Variants in CDON observed in about 807,000 individuals in gnomAD.
CDON encodes cell adhesion molecule-related/down-regulated by oncogenes.
A neutral mutation model predicts 120.9 loss-of-function variants in CDON; 73 were observed. The ratio of observed to expected loss-of-function variants is 0.60; its 90% confidence interval spans 0.50 to 0.73. The LOEUF (loss-of-function observed/expected upper bound fraction) is 0.73. Among genes scored for constraint, CDON ranks in the 30% least tolerant of loss-of-function variants. The pLI, the probability that CDON is intolerant of heterozygous loss-of-function variation, is 0.00. For missense variants in CDON, 1,470 were observed against 1,587.3 expected (o/e 0.93, Z 1.26); for synonymous variants, 566 against 573.5 (o/e 0.99, Z 0.19).
chr11:126,046,100 A>G (rs1463056058), intron 1 of CDON, among the ~76,000 whole-genome samples: 1 of 152,262 alleles, frequency 6.6e-6, no homozygotes, highest in Non-Finnish European at 1.5e-5. Flanking sequence ...AGCCAAACAC[A>G]TAGCTGTTTC....
At chr11:125,973,578 A>T (rs1435874429) in intron 18 of CDON, among the ~76,000 whole-genome samples, 1 of 152,056 alleles carries the variant, frequency 6.6e-6, no homozygotes, top group African/African-American at 2.4e-5. Flanking sequence ...AAAACCATCC[A>T]CAGATGTGCC....
chr11:126,040,810 G>A (rs1318216495), intron 1 of CDON, among the ~76,000 whole-genome samples: 8 of 53,096 alleles, frequency 1.5e-4, no homozygotes, highest in Admixed American at 1.2e-3. Flanking sequence ...GAAAGACTCC[G>A]TCTCAAAAAA....
rs35654681 is a variant in CDON, at chr11:125,958,565, A to ATGTGTGTGTGTGTGTGTGTGTG, written c.*2355_*2376dup. ...AAGGCAATTATATATATATATATAT[A>ATGTGTGTGTGTGTGTGTGTGTG]TGTGTGTGTGTGTGTGTGTGTGTGT... On this transcript the variant is annotated 3_prime_UTR_variant, in exon 20 of 20. Transcript: ENST00000531738. The ATGTGTGTGTGTGTGTGTGTGTG allele has an allele frequency of 2.3e-5, 3 of 130,082 alleles. No homozygotes were observed. Among genetic ancestry groups the ATGTGTGTGTGTGTGTGTGTGTG allele is most frequent in the Non-Finnish European group, 4.8e-5 (3 of 62,376 alleles). The allele number at this position is 130,082 out of a possible 1,614,324, so 8.1% of individuals were successfully genotyped here. A position where few individuals can be genotyped will look rare whatever the true frequency, so the allele number is the denominator to read the frequency against.
In CDON at chr11:126,005,856, G is replaced by A. The variant is rs759191464; in HGVS notation, c.1754C>T (p.Pro585Leu). ...SVPDAPIILSPPQTHTPDTYN... is the reference protein window; with the variant it reads ...SVPDAPIILSLPQTHTPDTYN... ...CGTGTCTGGTGTGTGGGTCTGTGGG[G>A]GGCTCAGTATGATGGGGGCATCAGG... The change falls in exon 9 of 20, where the codon CCC (proline) becomes CTC (leucine). Residue 585 changes from proline to leucine, a missense_variant. Transcript: ENST00000531738. The A allele has an allele frequency of 2.5e-6, 4 of 1,613,972 alleles. No homozygotes were observed. The highest frequency in any genetic ancestry group is 2.2e-5 in the South Asian group (2 of 91,080).
At position 125,965,947 on chromosome 11, in the gene CDON, C is replaced by T. The variant is rs370984597; in HGVS notation, c.3357-3949G>A. On this transcript the variant is annotated intron_variant, in intron 18 of 19. Coordinates refer to ENST00000531738, the MANE Select transcript of CDON (RefSeq NM_001378964.1). ...GTCGGGAGTTCGAGACAAGCCTGAC[C>T]AACATGGAGAAACCGCGTCTCTACT... Among the ~76,000 whole-genome samples, 20 of 152,202 alleles carry T rather than the reference C, an allele frequency of 1.3e-4. No individual in the cohort carries two copies. In the South Asian group the frequency reaches 4.1e-3, roughly 32 times the overall value.
chr11:126,014,654 A>C (rs1947407943), intron 7 of CDON, among the ~76,000 whole-genome samples: 1 of 152,238 alleles, frequency 6.6e-6, no homozygotes, highest in African/African-American at 2.4e-5. Context: ...AAGATTAAAA[A>C]CAACCATCAA....
Position 125,994,761 on chromosome 11 carries a change from T to C in CDON, c.2544+110A>G, listed in dbSNP as rs190791796. 974 of 944,918 alleles carry C rather than the reference T, an allele frequency of 1.0e-3. 5 individuals carry two copies. The highest frequency in any genetic ancestry group is 8.3e-3 in the Middle Eastern group (40 of 4,792). 58.5% of individuals were successfully genotyped at this position (944,918 alleles called of 1,614,324 possible). ...AATATTGGTGCCCTTGCACTTCCCCTCAATTAAAAGTTCAAAATTTGCTGT... is the reference window on the plus strand; with the variant it reads ...AATATTGGTGCCCTTGCACTTCCCCCCAATTAAAAGTTCAAAATTTGCTGT... On this transcript the variant is annotated intron_variant, in intron 13 of 19. Transcript: ENST00000531738.
At chr11:125,987,254 C>A (rs531468460) in intron 15 of CDON, among the ~76,000 whole-genome samples, 9 of 152,098 alleles carry the variant, frequency 5.9e-5, no homozygotes, top group African/African-American at 1.9e-4. Flanking sequence ...CAGCTAACAG[C>A]CTGAAAAAAG....
At chr11:126,011,989 C>G (rs1947317095) in intron 7 of CDON, among the ~76,000 whole-genome samples, 1 of 152,172 alleles carries the variant, frequency 6.6e-6, no homozygotes, top group Non-Finnish European at 1.5e-5. Flanking sequence ...CAGTCAAGCC[C>G]TTACATGCAA....
rs753364775 is a variant in CDON at position 125,994,872 on chromosome 11, G to A, written c.2543C>T (p.Thr848Met). Reference protein sequence around the residue: ...VSDTQIMLKWTYIPSSNNNTP... With the variant: ...VSDTQIMLKWMYIPSSNNNTP... ...TCATTCCAGAAGATGTGTACTGACC[G>A]TCCACTTTAGCATGATCTGAGTATC... Residue 848 changes from threonine (T) to methionine (M), a missense_variant and splice_region_variant, in exon 13 of 20, where the codon ACG becomes ATG. Coordinates refer to ENST00000531738, the MANE Select transcript of CDON (RefSeq NM_001378964.1). The A allele has an allele frequency of 1.4e-5, 22 of 1,612,064 alleles. No individual in the cohort carries two copies. The highest frequency in any genetic ancestry group is 1.6e-4 in the Middle Eastern group (1 of 6,062).
At position 125,995,017 on chromosome 11, in the gene CDON, G is replaced by A; in HGVS notation, c.2398C>T (p.His800Tyr). Reference protein sequence around the residue: ...TYKFRVIAINHYGESFRSSAS... With the variant: ...TYKFRVIAINYYGESFRSSAS... ...GAACTCCGAAAACTCTCACCATAAT[G>A]GTTGATGGCAATGACCCTAAATTTG... The change falls in exon 13 of 20, where the codon CAT becomes TAT. Residue 800 changes from histidine to tyrosine, a missense_variant. By Grantham distance (83) the His-to-Tyr change is moderately conservative. Transcript: ENST00000531738. 6.2e-7 allele frequency: 1 copy of A among 1,614,090 alleles called. No homozygotes were observed. Among genetic ancestry groups the A allele is most frequent in the Admixed American group, 1.7e-5 (1 of 60,008 alleles).
In CDON at chr11:126,005,888, G is replaced by C; in HGVS notation, c.1722C>G (p.Ile574Met). 1 of 1,614,160 alleles carries C rather than the reference G, an allele frequency of 6.2e-7. No homozygotes were observed. The highest frequency in any genetic ancestry group is 8.5e-7 in the Non-Finnish European group (1 of 1,180,026). The change falls in exon 9 of 20, where the codon ATC becomes ATG. Residue 574 changes from isoleucine to methionine, a missense_variant. Transcript: ENST00000531738. ...GTATGATGGGGGCATCAGGAACAGA[G>C]ATGCCGCTGGCGTTTTTCTCTGGTG... ...ESAPEKNASG[I>M]SVPDAPIILS...
At chr11:125,972,179 A>G (rs1252830808) in intron 18 of CDON, among the ~76,000 whole-genome samples, 2 of 152,212 alleles carry the variant, frequency 1.3e-5, no homozygotes, top group Non-Finnish European at 2.9e-5. Context: ...TAATCTCAGA[A>G]CATTGGGAGG....
At chr11:125,998,266 T>C (rs942334814) in intron 11 of CDON, among the ~76,000 whole-genome samples, 1 of 152,134 alleles carries the variant, frequency 6.6e-6, no homozygotes, top group South Asian at 2.1e-4. Flanking sequence ...TCCCTCCAAA[T>C]CTCATGTTGA....
At chr11:126,040,494 A>G (rs1386175602) in intron 1 of CDON, among the ~76,000 whole-genome samples, 1 of 152,234 alleles carries the variant, frequency 6.6e-6, no homozygotes, top group Admixed American at 6.5e-5. Context: ...CAATTTTTAA[A>G]AAGTGATTAT....
chr11:126,005,931 G>T lies in CDON; in HGVS notation c.1679C>A (p.Pro560His), dbSNP rs1253158165. The T allele has an allele frequency of 1.2e-6, 2 of 1,613,970 alleles. No individual in the cohort carries two copies. Among genetic ancestry groups the T allele is most frequent in the Non-Finnish European group, 8.5e-7 (1 of 1,180,020 alleles). ...CTCTGGTGCTGATTCCACTGCACTG[G>T]GATGGACCTTCACCGGAAATGAGCT... is the stretch of plus-strand genomic sequence containing the variant. The part of the protein sequence containing the change: ...LLSSFPVKVH[P>H]SAVESAPEKN... Residue 560 changes from proline to histidine, a missense_variant, in exon 9 of 20, where the codon CCC becomes CAC. Transcript: ENST00000531738.
At chr11:126,055,103 T>C (rs916186618) in intron 1 of CDON, among the ~76,000 whole-genome samples, 7 of 152,194 alleles carry the variant, frequency 4.6e-5, no homozygotes, top group Admixed American at 3.9e-4. Flanking sequence ...GAAAGATCAT[T>C]ACTCAGGCAA....
chr11:126,046,968 A>G (rs1302840873), intron 1 of CDON, among the ~76,000 whole-genome samples: 1 of 152,268 alleles, frequency 6.6e-6, no homozygotes, highest in Non-Finnish European at 1.5e-5. Flanking sequence ...AACAGATGTA[A>G]CAATCATGCT....
Position 125,994,178 on chromosome 11 carries a change from C to T in CDON, c.2650+106G>A, listed in dbSNP as rs564862583. ...AAATTCAACAGCAATAACACATACACCATTCCATTTTGTACTGTCTTAATT... is the reference window on the plus strand; with the variant it reads ...AAATTCAACAGCAATAACACATACATCATTCCATTTTGTACTGTCTTAATT... On this transcript the variant is annotated intron_variant, in intron 14 of 19. Coordinates refer to ENST00000531738, the MANE Select transcript of CDON (RefSeq NM_001378964.1). 6.6e-5 allele frequency: 48 copies of T among 730,298 alleles called. No homozygotes were observed. The Middle Eastern group carries it at 2.9e-3, about 44-fold the overall frequency. 45.2% of individuals were successfully genotyped at this position (730,298 alleles called of 1,614,324 possible).
Sources: allele counts gnomAD v4.1 joint callset (sites outside exome capture counted in the v4.1 genomes callset), GRCh38; gene constraint gnomAD v4.1.1; transcripts MANE v1.5; gene names NCBI Gene and HGNC (gene_info 2026-07-23, HGNC 2026-07-21).